COL23A1: variants seen among roughly 807,000 people sequenced by gnomAD.
The protein encoded by COL23A1 is collagen alpha-1(XXIII) chain.
A neutral mutation model predicts 99.3 loss-of-function variants in COL23A1; 97 were observed. The ratio of observed to expected loss-of-function variants is 0.98; its 90% CI spans 0.83 to 1.16. The LOEUF (loss-of-function observed/expected upper bound fraction) is 1.16. Ranked by LOEUF, COL23A1 falls within the 50% of genes most tolerant of loss-of-function variation. The probability of loss-of-function intolerance (pLI) is 0.00; values close to 1 mark genes in which losing one functional copy is unlikely to be tolerated. For synonymous variants in COL23A1, 320 were observed against 308.2 expected (o/e 1.04, Z -0.40); for missense variants, 762 against 757.4 (o/e 1.01, Z -0.07).
rs1056854163 is a variant in COL23A1, at chr5:178,308,815, G to A, written c.362-1896C>T. Among the ~76,000 whole-genome samples the A allele has an allele frequency of 8.4e-6, 1 of 119,084 alleles. No individual in the cohort carries two copies. The highest frequency in any genetic ancestry group is 1.9e-5 in the Non-Finnish European group (1 of 53,400). 78.1% of individuals were successfully genotyped at this position (119,084 alleles called of 152,430 possible). The stretch of plus-strand genomic sequence containing the variant: ...AACTAAGCCCCAGGTTTGGGGGGCA[G>A]GTCAGCACTCTCGGGGGGGGCTTTC... On this transcript the variant is annotated intron_variant, in intron 2 of 28. Coordinates refer to ENST00000390654, the MANE Select transcript of COL23A1 (RefSeq NM_173465.4). The surrounding 1 kb of genome is among the most constrained non-coding windows in gnomAD (Gnocchi z 5.1).
At chr5:178,392,420 C>T (rs1307142390) in intron 2 of COL23A1, among the ~76,000 whole-genome samples, 1 of 152,194 alleles carries the variant, frequency 6.6e-6, no homozygotes, top group African/African-American at 2.4e-5. Flanking sequence ...ACTGCATCTA[C>T]AAGACACATC....
intron 2 of COL23A1, among the ~76,000 whole-genome samples, chr5:178,312,481 G>A (rs1207558424): frequency 1.3e-5 from 2 of 152,122 alleles, no homozygotes; most frequent in South Asian, 2.1e-4. Flanking sequence ...GAGAACTCAC[G>A]CCGCTGATCA....
chr5:178,442,066 A>G (rs1461245898), intron 2 of COL23A1, among the ~76,000 whole-genome samples: 4 of 152,026 alleles, frequency 2.6e-5, no homozygotes, highest in Non-Finnish European at 5.9e-5. Context: ...TGGGACGTCC[A>G]ACTGAGAAAC....
chr5:178,249,714 ACACTCT>A (rs1367969555), intron 18 of COL23A1, among the ~76,000 whole-genome samples: 89 of 116,304 alleles, frequency 7.7e-4, no homozygotes, highest in Non-Finnish European at 1.3e-3. Flanking sequence ...ACACACACAC[ACACTCT>A]CTCTCTCTCT....
At chr5:178,266,053 T>G (rs899124926) in intron 8 of COL23A1, among the ~76,000 whole-genome samples, 1 of 152,286 alleles carries the variant, frequency 6.6e-6, no homozygotes, top group East Asian at 1.9e-4. Context: ...TTTAAATTTT[T>G]TTTTTTGGAG....
At chr5:178,416,489 C>G (rs903912462) in intron 2 of COL23A1, among the ~76,000 whole-genome samples, 1 of 152,098 alleles carries the variant, frequency 6.6e-6, no homozygotes, top group Non-Finnish European at 1.5e-5. Context: ...AGGGGTGGGG[C>G]CCAGGAGGAG....
At position 178,313,105 on chromosome 5, in the gene COL23A1, C is replaced by T. The variant is rs147041943; in HGVS notation, c.362-6186G>A. On this transcript the variant is annotated intron_variant, in intron 2 of 28. Transcript: ENST00000390654. This position sits in a 1 kb window ranked among gnomAD's most constrained non-coding sequence, Gnocchi z 4.2. ...TAAGCCAGACACAGAAAGACAAATA[C>T]GGAAGGATTCCACTTCTGGAGGCTC... Among the ~76,000 whole-genome samples, 530 of 152,242 alleles carry T rather than the reference C, an allele frequency of 3.5e-3. 3 individuals are homozygous for T. Among genetic ancestry groups the T allele is most frequent in the African/African-American group, 0.012 (499 of 41,552 alleles).
At chr5:178,292,874 A>G (rs925759369) in intron 3 of COL23A1, among the ~76,000 whole-genome samples, 1 of 152,210 alleles carries the variant, frequency 6.6e-6, no homozygotes, top group African/African-American at 2.4e-5. Flanking sequence ...GAGAAGATCA[A>G]GAAGTCCTGG....
At chr5:178,534,324 G>T (rs961495077) in intron 2 of COL23A1, among the ~76,000 whole-genome samples, 1 of 152,078 alleles carries the variant, frequency 6.6e-6, no homozygotes, top group Non-Finnish European at 1.5e-5. Flanking sequence ...GAGCTCCACC[G>T]TCATGACTTA....
chr5:178,552,348 T>C (rs1762042246), intron 2 of COL23A1, among the ~76,000 whole-genome samples: 1 of 152,256 alleles, frequency 6.6e-6, no homozygotes, highest in African/African-American at 2.4e-5. Context: ...AGCGAGGGAA[T>C]GGCAACCAGC....
chr5:178,481,145 A>AG, intron 2 of COL23A1, among the ~76,000 whole-genome samples: 8 of 151,240 alleles, frequency 5.3e-5, no homozygotes, highest in African/African-American at 1.9e-4. Flanking sequence ...AAAAAAAAAA[A>AG]AAAAAGAAAG....
chr5:178,265,885 C>G lies in COL23A1; in HGVS notation c.522+1422G>C, dbSNP rs538268572. 109 of 168,106 alleles carry G rather than the reference C, an allele frequency of 6.5e-4. 1 individual carries two copies. The South Asian group carries it at 9.8e-3, about 15-fold the overall frequency. 10.4% of individuals were successfully genotyped at this position (168,106 alleles called of 1,614,324 possible). ...CTCCTTCTCCAAGGATGGCTGCTTA[C>G]CAGCTGAGCGCCCACCAGCATCCAC... On this transcript the variant is annotated intron_variant, in intron 8 of 28. Coordinates refer to ENST00000390654, the MANE Select transcript of COL23A1 (RefSeq NM_173465.4).
At chr5:178,520,259 A>C (rs1759867105) in intron 2 of COL23A1, among the ~76,000 whole-genome samples, 2 of 152,284 alleles carry the variant, frequency 1.3e-5, no homozygotes, top group South Asian at 4.2e-4. Flanking sequence ...AAGATTGGAC[A>C]GTCCTTGACT....
rs2127616079 is a variant in COL23A1, at chr5:178,313,863, C to T, written c.362-6944G>A. 6.6e-6 allele frequency among the ~76,000 whole-genome samples: 1 copy of T among 152,238 alleles called. No homozygotes were observed. The highest frequency in any genetic ancestry group is 6.5e-5 in the Admixed American group (1 of 15,296). On this transcript the variant is annotated intron_variant, in intron 2 of 28. Coordinates refer to ENST00000390654, the MANE Select transcript of COL23A1 (RefSeq NM_173465.4). This position sits in a 1 kb window ranked among gnomAD's most constrained non-coding sequence, Gnocchi z 4.2. ...CTTGAGCAGAGAAGGCAAGCGAGGT[C>T]CCTGGAAAAGAGCTTCCGAGACCAG...
At chr5:178,464,559 C>T (rs374864981) in intron 2 of COL23A1, among the ~76,000 whole-genome samples, 36 of 152,180 alleles carry the variant, frequency 2.4e-4, no homozygotes, top group African/African-American at 8.2e-4. Context: ...CGTTGCTATT[C>T]GTAAGGTCCA....
intron 2 of COL23A1, among the ~76,000 whole-genome samples, chr5:178,500,461 C>T (rs934151122): frequency 4.0e-5 from 6 of 149,136 alleles, no homozygotes; most frequent in East Asian, 2.0e-4. Flanking sequence ...TTTAATTAGC[C>T]GAGTACTGTG....
chr5:178,443,933 G>A, intron 2 of COL23A1, among the ~76,000 whole-genome samples: 1 of 152,194 alleles, frequency 6.6e-6, no homozygotes, highest in South Asian at 2.1e-4. Flanking sequence ...TGGGCACAGA[G>A]GCTCACGCCT....
In COL23A1 at chr5:178,480,230, G is replaced by A. The variant is rs372477370; in HGVS notation, c.361+80452C>T. ...GAAGTTGATGATAATTGTTGAAGCTGGGGGAGGAATCCAAAGATTATTCTC... is the reference window on the plus strand; with the variant it reads ...GAAGTTGATGATAATTGTTGAAGCTAGGGGAGGAATCCAAAGATTATTCTC... On this transcript the variant is annotated intron_variant, in intron 2 of 28. Coordinates refer to ENST00000390654, the MANE Select transcript of COL23A1 (RefSeq NM_173465.4). 1.4e-3 allele frequency among the ~76,000 whole-genome samples: 215 copies of A among 152,114 alleles called. 1 individual carries two copies. The highest frequency in any genetic ancestry group is 4.6e-3 in the African/African-American group (192 of 41,494).
At position 178,468,366 on chromosome 5, in the gene COL23A1, G is replaced by A. The variant is rs922513442; in HGVS notation, c.361+92316C>T. The stretch of plus-strand genomic sequence containing the variant: ...CAAGACAGGGAGGGGATGGAAGCCA[G>A]CACGTGGGTCAAAGGGCGATGGACT... On this transcript the variant is annotated intron_variant, in intron 2 of 28. Coordinates refer to ENST00000390654, the MANE Select transcript of COL23A1 (RefSeq NM_173465.4). This position sits in a 1 kb window ranked among gnomAD's most constrained non-coding sequence, Gnocchi z 4.2. Among the ~76,000 whole-genome samples, 6 of 152,228 alleles carry A rather than the reference G, an allele frequency of 3.9e-5. No homozygotes were observed. The highest frequency in any genetic ancestry group is 3.9e-4 in the Admixed American group (6 of 15,286).
Sources: gnomAD v4.1 joint callset for allele counts (sites outside exome capture counted in the v4.1 genomes callset) on GRCh38, gnomAD v4.1.1 for gene constraint, Gnocchi (gnomAD v3.1) non-coding constraint, MANE v1.5 for transcripts, NCBI Gene and HGNC (gene_info 2026-07-23, HGNC 2026-07-21) for gene names.